The following CDK14 variants were observed in gnomAD, a reference collection of about 807,000 sequenced individuals.
CDK14 encodes the protein cyclin dependent kinase 14.
Under a neutral mutation model 60.7 loss-of-function variants are expected in CDK14, and 34 were observed. That is an observed-to-expected ratio of 0.56 (90% confidence interval 0.43 to 0.75). CDK14 has a LOEUF of 0.75. CDK14 is among the 30% of genes least tolerant of loss of function. CDK14 has a pLI of 0.00. For missense variants in CDK14, 482 were observed against 564.1 expected (o/e 0.85, Z 1.47); for synonymous variants, 197 against 203.7 (o/e 0.97, Z 0.28).
chr7:90,918,749 C>A (rs949713565), intron 8 of CDK14, among the ~76,000 whole-genome samples: 1 of 151,966 alleles, frequency 6.6e-6, no homozygotes. Context: ...TTCCTCTCCA[C>A]CCCCCATTAA....
At chr7:91,041,114 C>A (rs1388839731) in intron 10 of CDK14, among the ~76,000 whole-genome samples, 1 of 151,436 alleles carries the variant, frequency 6.6e-6, no homozygotes, top group African/African-American at 2.4e-5. Context: ...ATGGGGCCAT[C>A]ATTACCTCTT....
At chr7:90,957,999 C>G (rs1794483684) in intron 9 of CDK14, among the ~76,000 whole-genome samples, 1 of 152,082 alleles carries the variant, frequency 6.6e-6, no homozygotes, top group South Asian at 2.1e-4. Context: ...TAGAATTCCA[C>G]TGTGTATTCA....
At chr7:90,819,892 A>G (rs1234286796) in intron 5 of CDK14, among the ~76,000 whole-genome samples, 3 of 152,212 alleles carry the variant, frequency 2.0e-5, no homozygotes, top group Non-Finnish European at 4.4e-5. Context: ...TCAAATAAAT[A>G]CTAGAATGTT....
intron 5 of CDK14, among the ~76,000 whole-genome samples, chr7:90,834,843 C>T (rs1790037564): frequency 6.6e-6 from 1 of 152,134 alleles, no homozygotes; most frequent in African/African-American, 2.4e-5. Flanking sequence ...GGCTATCAGC[C>T]ATGCAATTCA....
At chr7:90,647,000 T>C (rs1800484730) in intron 2 of CDK14, among the ~76,000 whole-genome samples, 1 of 152,228 alleles carries the variant, frequency 6.6e-6, no homozygotes, top group African/African-American at 2.4e-5. Flanking sequence ...CCTTTACCCT[T>C]GTTGCATTTT....
At chr7:90,616,090 G>A (rs181825731) in intron 2 of CDK14, among the ~76,000 whole-genome samples, 1 of 151,900 alleles carries the variant, frequency 6.6e-6, no homozygotes, top group Admixed American at 6.6e-5. Context: ...TCTGATTTTT[G>A]ATTCAGAAAA....
intron 5 of CDK14, among the ~76,000 whole-genome samples, chr7:90,854,661 T>TTA (rs987197437): frequency 6.6e-6 from 1 of 152,142 alleles, no homozygotes; most frequent in African/African-American, 2.4e-5. Flanking sequence ...ATCTTTTTTT[T>TTA]TTTTTCAATC....
chr7:90,805,718 A>G (rs540100572), intron 5 of CDK14, among the ~76,000 whole-genome samples: 12 of 152,234 alleles, frequency 7.9e-5, no homozygotes, highest in African/African-American at 2.4e-4. Context: ...AAATTTCTCT[A>G]TTGATTTAAT....
intron 3 of CDK14, among the ~76,000 whole-genome samples, chr7:90,733,312 G>A (rs1393690665): frequency 6.6e-6 from 1 of 152,140 alleles, no homozygotes; most frequent in Non-Finnish European, 1.5e-5. Flanking sequence ...TGTATATTCT[G>A]TTGATTTGGG....
rs56719768 is a variant in CDK14, at chr7:90,806,741, C to CACAGATTTTCCAGTG, written c.544+16091_544+16092insAGATTTTCCAGTGAC. 5.6e-3 allele frequency among the ~76,000 whole-genome samples: 858 copies of CACAGATTTTCCAGTG among 152,330 alleles called. 14 individuals are homozygous for CACAGATTTTCCAGTG. The highest frequency in any genetic ancestry group is 0.02 in the African/African-American group (812 of 41,586). ...AGTCAAAGAAAGGGGTGACAGACGG[C>CACAGATTTTCCAGTG]ACCTGGAAAATCAGGTCACTCCCAC... is the stretch of plus-strand genomic sequence containing the variant. On this transcript the variant is annotated intron_variant, in intron 5 of 14. Coordinates refer to ENST00000380050, the MANE Select transcript of CDK14 (RefSeq NM_001287135.2).
At chr7:90,711,877 C>A in intron 2 of CDK14, among the ~76,000 whole-genome samples, 2 of 80,776 alleles carry the variant, frequency 2.5e-5, no homozygotes, top group East Asian at 3.2e-4. Context: ...AACTTATAGT[C>A]TACTATGTTT....
chr7:90,914,018 G>A (rs4727244), intron 7 of CDK14, among the ~76,000 whole-genome samples: 149,979 of 152,228 alleles, frequency 0.99, 73,918 homozygotes, highest in East Asian at 1. Context: ...GTTTTCAGAA[G>A]GTTGATCGTC....
intron 7 of CDK14, among the ~76,000 whole-genome samples, chr7:90,905,613 G>A (rs942900833): frequency 1.3e-5 from 2 of 152,060 alleles, no homozygotes; most frequent in African/African-American, 4.8e-5. Context: ...GTTCATTCCA[G>A]CCCCCAACAT....
At chr7:90,616,666 A>G (rs911192845) in intron 2 of CDK14, among the ~76,000 whole-genome samples, 1 of 152,210 alleles carries the variant, frequency 6.6e-6, no homozygotes, top group African/African-American at 2.4e-5. Context: ...AAGGTGTTTT[A>G]GTCATGAAAG....
At chr7:91,119,453 C>T (rs1394643576) in intron 14 of CDK14, among the ~76,000 whole-genome samples, 1 of 152,134 alleles carries the variant, frequency 6.6e-6, no homozygotes, top group Non-Finnish European at 1.5e-5. Flanking sequence ...CACTGCACTC[C>T]AGCCTGAGTG....
chr7:91,115,673 A>G (rs1799585755), intron 13 of CDK14, among the ~76,000 whole-genome samples: 1 of 152,174 alleles, frequency 6.6e-6, no homozygotes, highest in South Asian at 2.1e-4. Flanking sequence ...TTACAAGTAG[A>G]TTTGAGCCTT....
chr7:91,118,698 A>G (rs1799686888), intron 14 of CDK14, among the ~76,000 whole-genome samples: 1 of 152,192 alleles, frequency 6.6e-6, no homozygotes, highest in Non-Finnish European at 1.5e-5. Context: ...TAACTGAATC[A>G]TTGCTGCCTC....
chr7:91,198,255 G>A (rs1028182522), intron 14 of CDK14, among the ~76,000 whole-genome samples: 2 of 152,212 alleles, frequency 1.3e-5, no homozygotes, highest in African/African-American at 4.8e-5. Context: ...CAGGGCTTTT[G>A]TGGTGGGGGG....
At chr7:90,875,237 T>A (rs1791517608) in intron 6 of CDK14, among the ~76,000 whole-genome samples, 1 of 152,246 alleles carries the variant, frequency 6.6e-6, no homozygotes, top group Non-Finnish European at 1.5e-5. Context: ...TGGATATACA[T>A]TTTATCTATT....
Sources: gnomAD v4.1 joint callset for allele counts (sites outside exome capture counted in the v4.1 genomes callset) on GRCh38, gnomAD v4.1.1 for gene constraint, MANE v1.5 for transcripts, NCBI Gene and HGNC (gene_info 2026-07-23, HGNC 2026-07-21) for gene names.